GLRA3: variants seen among roughly 807,000 people sequenced by gnomAD.
GLRA3 encodes glycine receptor alpha 3.
Under a neutral mutation model 60.4 loss-of-function variants are expected in GLRA3, and 44 were observed. The ratio of observed to expected loss-of-function variants is 0.73; its 90% CI spans 0.57 to 0.94. GLRA3 has a LOEUF of 0.94. Among genes scored for constraint, GLRA3 ranks in the 40% least tolerant of loss-of-function variants. The pLI is 0.00. For synonymous variants in GLRA3, 223 were observed against 192.9 expected (o/e 1.16, Z -1.29); for missense variants, 508 against 564.6 (o/e 0.90, Z 1.02).
intron 7 of GLRA3, among the ~76,000 whole-genome samples, chr4:174,659,928 C>T (rs888588114): frequency 8.7e-5 from 13 of 149,022 alleles, no homozygotes; most frequent in South Asian, 6.3e-4. Flanking sequence ...GCCGAGATCA[C>T]GCCACTTCAC....
intron 9 of GLRA3, 106 bp downstream of exon 9, chr4:174,656,637 G>C (rs1733218085): frequency 1.6e-6 from 1 of 607,802 alleles, no homozygotes; most frequent in East Asian, 2.7e-5. Flanking sequence ...CAATACAAAA[G>C]GGGCTGTGTT....
At chr4:174,753,095 G>A (rs1737552382) in intron 3 of GLRA3, among the ~76,000 whole-genome samples, 2 of 152,136 alleles carry the variant, frequency 1.3e-5, no homozygotes, top group Admixed American at 1.3e-4. Flanking sequence ...TTGTTGAGAA[G>A]GAATCTTTCA....
intron 2 of GLRA3, among the ~76,000 whole-genome samples, chr4:174,770,367 C>G (rs1298071406): frequency 1.3e-5 from 2 of 152,140 alleles, no homozygotes; most frequent in Non-Finnish European, 1.5e-5. Context: ...TGCTTGGAAA[C>G]CACTATCCTA....
chr4:174,750,666 C>T (rs1737437387), intron 3 of GLRA3, among the ~76,000 whole-genome samples: 1 of 152,052 alleles, frequency 6.6e-6, no homozygotes, highest in African/African-American at 2.4e-5. Flanking sequence ...AAAAACTTAG[C>T]AGTACTTAAT....
At chr4:174,812,851 C>T (rs1474028531) in intron 1 of GLRA3, among the ~76,000 whole-genome samples, 2 of 152,038 alleles carry the variant, frequency 1.3e-5, no homozygotes, top group Non-Finnish European at 2.9e-5. Flanking sequence ...TTTTTTCCTA[C>T]CTTTCTTCTA....
intron 6 of GLRA3, 109 bp downstream of exon 6, chr4:174,682,693 A>G (rs1734396980): frequency 6.8e-6 from 5 of 731,548 alleles, no homozygotes; most frequent in African/African-American, 3.5e-5. Context: ...GCTATATAAG[A>G]AAAACATTGA....
At chr4:174,808,913 A>T (rs569614323) in intron 1 of GLRA3, among the ~76,000 whole-genome samples, 134 of 152,274 alleles carry the variant, frequency 8.8e-4, no homozygotes, top group Middle Eastern at 3.4e-3. Context: ...TCAAAAATTT[A>T]AAAAAATTGA....
chr4:174,734,353 C>T (rs1380866299), intron 3 of GLRA3, among the ~76,000 whole-genome samples: 1 of 152,164 alleles, frequency 6.6e-6, no homozygotes, highest in Non-Finnish European at 1.5e-5. Flanking sequence ...TCTGTAATAT[C>T]CCCCATGTTG....
At chr4:174,666,540 T>C (rs1291065124) in intron 7 of GLRA3, among the ~76,000 whole-genome samples, 1 of 151,872 alleles carries the variant, frequency 6.6e-6, no homozygotes, top group African/African-American at 2.4e-5. Flanking sequence ...AAATGATCAA[T>C]AGAGTACACA....
At chr4:174,685,399 T>C (rs149790806) in intron 5 of GLRA3, among the ~76,000 whole-genome samples, 7 of 152,294 alleles carry the variant, frequency 4.6e-5, no homozygotes, top group Non-Finnish European at 5.9e-5. Flanking sequence ...CTTTAGACTG[T>C]ATGGGATTCT....
chr4:174,788,589 G>GAAAA (rs1739205765), intron 2 of GLRA3, among the ~76,000 whole-genome samples: 1 of 37,026 alleles, frequency 2.7e-5, no homozygotes, highest in African/African-American at 1.1e-4. Context: ...AGTTAGAGAA[G>GAAAA]TAAAAAAAAA....
At chr4:174,777,082 G>C (rs917803621) in intron 2 of GLRA3, among the ~76,000 whole-genome samples, 1 of 151,996 alleles carries the variant, frequency 6.6e-6, no homozygotes, top group Non-Finnish European at 1.5e-5. Flanking sequence ...TAAAAATAAA[G>C]AATATTGTTT....
intron 5 of GLRA3, among the ~76,000 whole-genome samples, chr4:174,711,974 A>G (rs997447362): frequency 2.0e-5 from 3 of 152,002 alleles, no homozygotes; most frequent in African/African-American, 4.8e-5. Context: ...TTTTTTCTAC[A>G]TGAATTTAAC....
chr4:174,801,759 G>C (rs1380586067), intron 1 of GLRA3, among the ~76,000 whole-genome samples: 1 of 151,876 alleles, frequency 6.6e-6, no homozygotes, highest in African/African-American at 2.4e-5. Context: ...CTTTCATTAT[G>C]ATCCAGATTT....
chr4:174,694,782 C>T (rs573526079), intron 5 of GLRA3, among the ~76,000 whole-genome samples: 2 of 151,822 alleles, frequency 1.3e-5, no homozygotes, highest in South Asian at 2.1e-4. Context: ...CATTCGAAAG[C>T]CAGGAGTTGT....
At chr4:174,644,719 C>T (rs1182701303) in intron 9 of GLRA3, among the ~76,000 whole-genome samples, 1 of 152,026 alleles carries the variant, frequency 6.6e-6, no homozygotes, top group Non-Finnish European at 1.5e-5. Flanking sequence ...TTATATCTGG[C>T]AGAAGTTTAT....
chr4:174,827,683 A>G (rs1048453685), intron 1 of GLRA3, among the ~76,000 whole-genome samples: 14 of 152,118 alleles, frequency 9.2e-5, no homozygotes, highest in African/African-American at 3.4e-4. Flanking sequence ...TAACCATCAC[A>G]GTTTCTATTA....
chr4:174,646,267 T>G (rs112316480), intron 9 of GLRA3, among the ~76,000 whole-genome samples: 3,171 of 152,344 alleles, frequency 0.021, 42 homozygotes, highest in Middle Eastern at 0.044. Flanking sequence ...TTAGAGACCT[T>G]AGCTGCTCAT....
rs1408028815 is a variant in GLRA3, at chr4:174,682,880, C to T, written c.634G>A (p.Ala212Thr). 1.9e-6 allele frequency: 3 copies of T among 1,612,336 alleles called. No homozygotes were observed. ...AACTGGGGCAAAGTGAGTCCTTCTG[C>T]CACTTGTACGGGTGCCTCATCTTGC... ...EWQDEAPVQV[A>T]EGLTLPQFLL... Residue 212 changes from alanine (A) to threonine (T), a missense_variant, in exon 6 of 10, where the codon GCA becomes ACA. Coordinates refer to ENST00000274093, the MANE Select transcript of GLRA3 (RefSeq NM_006529.4).
Sources: allele counts gnomAD v4.1 joint callset (sites outside exome capture counted in the v4.1 genomes callset), GRCh38; gene constraint gnomAD v4.1.1; transcripts MANE v1.5; gene names NCBI Gene and HGNC (gene_info 2026-07-23, HGNC 2026-07-21).